Variants in ELOVL5 observed in about 807,000 individuals in gnomAD.
ELOVL5 encodes the protein ELOVL fatty acid elongase 5.
Under a neutral mutation model 38.6 loss-of-function variants are expected in ELOVL5, and 8 were observed. The ratio of observed to expected loss-of-function variants is 0.21; its 90% CI spans 0.12 to 0.37. The LOEUF (loss-of-function observed/expected upper bound fraction) is 0.37. Among genes scored for constraint, ELOVL5 ranks in the 10% least tolerant of loss-of-function variants. ELOVL5 has a pLI of 1.00. For synonymous variants in ELOVL5, 127 were observed against 133.7 expected, an observed-to-expected ratio of 0.95 and a Z score of 0.34; for missense variants, 280 against 367.8, an observed-to-expected ratio of 0.76 and a Z score of 1.95.
chr6:53,307,074 C>A (rs1767610618), intron 1 of ELOVL5, among the ~76,000 whole-genome samples: 1 of 152,238 alleles, frequency 6.6e-6, no homozygotes, highest in Non-Finnish European at 1.5e-5. Flanking sequence ...GCTTTTCAGG[C>A]TACCAGCCAT....
intron 1 of ELOVL5, among the ~76,000 whole-genome samples, chr6:53,333,194 G>T (rs1298547014): frequency 6.6e-6 from 1 of 152,182 alleles, no homozygotes; most frequent in African/African-American, 2.4e-5. Flanking sequence ...TGCTATAAAG[G>T]TGGATTACAT....
chr6:53,306,842 A>G (rs1056562369), intron 1 of ELOVL5, among the ~76,000 whole-genome samples: 1 of 152,228 alleles, frequency 6.6e-6, no homozygotes, highest in African/African-American at 2.4e-5. Flanking sequence ...GGAAAAAGAC[A>G]ACGATAATTC....
intron 1 of ELOVL5, among the ~76,000 whole-genome samples, chr6:53,335,711 G>C (rs1769033736): frequency 6.6e-6 from 1 of 152,168 alleles, no homozygotes; most frequent in Non-Finnish European, 1.5e-5. Context: ...ATAAACAGTA[G>C]CAGTACTTTT....
intron 1 of ELOVL5, among the ~76,000 whole-genome samples, chr6:53,316,222 C>T (rs1768034616): frequency 6.6e-6 from 1 of 152,086 alleles, no homozygotes; most frequent in South Asian, 2.1e-4. Context: ...TCCACAAGAC[C>T]ACAAATCTGC....
intron 1 of ELOVL5, among the ~76,000 whole-genome samples, chr6:53,347,827 A>T (rs1036388058): frequency 6.6e-6 from 1 of 151,724 alleles, no homozygotes; most frequent in African/African-American, 2.4e-5. Context: ...GGGCGGGGGG[A>T]ACCGCCAAGT....
intron 3 of ELOVL5, among the ~76,000 whole-genome samples, chr6:53,278,946 G>A (rs1375374204): frequency 2.0e-5 from 3 of 152,152 alleles, no homozygotes; most frequent in Admixed American, 6.5e-5. Context: ...GTGGTCCCAA[G>A]CTTATCTTTC....
chr6:53,341,228 A>AT (rs1769311130), intron 1 of ELOVL5, among the ~76,000 whole-genome samples: 1 of 152,360 alleles, frequency 6.6e-6, no homozygotes, highest in Admixed American at 6.5e-5. Flanking sequence ...CATAAATGTT[A>AT]TTCCCTATTA....
At chr6:53,345,241 A>T (rs763927252) in intron 1 of ELOVL5, among the ~76,000 whole-genome samples, 19 of 152,182 alleles carry the variant, frequency 1.2e-4, no homozygotes, top group South Asian at 4.1e-4. Context: ...TCTAGGACAT[A>T]ACAGACATCT....
At chr6:53,318,104 A>G (rs1768133303) in intron 1 of ELOVL5, among the ~76,000 whole-genome samples, 1 of 152,226 alleles carries the variant, frequency 6.6e-6, no homozygotes, top group African/African-American at 2.4e-5. Context: ...GAGGAGGCCA[A>G]CTGACTCCAG....
intron 1 of ELOVL5, among the ~76,000 whole-genome samples, chr6:53,323,586 T>G (rs974596690): frequency 7.0e-6 from 1 of 142,802 alleles, no homozygotes; most frequent in African/African-American, 2.7e-5. Flanking sequence ...CTTTTTTTTT[T>G]TTTTTTTTTT....
intron 3 of ELOVL5, among the ~76,000 whole-genome samples, chr6:53,287,538 T>C (rs1766618587): frequency 6.6e-6 from 1 of 152,182 alleles, no homozygotes; most frequent in South Asian, 2.1e-4. Flanking sequence ...AACAATGGGA[T>C]AGCCAAAGAG....
chr6:53,347,301 G>C (rs1769589859), intron 1 of ELOVL5, among the ~76,000 whole-genome samples: 1 of 152,198 alleles, frequency 6.6e-6, no homozygotes, highest in African/African-American at 2.4e-5. Flanking sequence ...AGGAAAATGA[G>C]TAACATTTCC....
intron 6 of ELOVL5, 108 bp downstream of exon 6, chr6:53,273,112 A>G: frequency 1.7e-6 from 2 of 1,200,248 alleles, no homozygotes; most frequent in South Asian, 2.9e-5. Flanking sequence ...ATCAAATGAA[A>G]AAGGGTGGAG....
At position 53,319,311 on chromosome 6, in the gene ELOVL5, A is replaced by AAAAAAAAAAAAAAAAAAC. The variant is rs1768200840; in HGVS notation, c.-8-23605_-8-23604insGTTTTTTTTTTTTTTTTT. ...AAAAAAAAAAAAAAAAAAAAAAAAA[A>AAAAAAAAAAAAAAAAAAC]AAAAAGAAAGAAAGAAAAAGGAAAT... On this transcript the variant is annotated intron_variant, in intron 1 of 7. Coordinates refer to ENST00000304434, the MANE Select transcript of ELOVL5 (RefSeq NM_021814.5). 2.9e-5 allele frequency among the ~76,000 whole-genome samples: 4 copies of AAAAAAAAAAAAAAAAAAC among 137,302 alleles called. 1 individual carries two copies. The highest frequency in any genetic ancestry group is 2.8e-4 in the Admixed American group (3 of 10,666). The allele number at this position is 137,302 out of a possible 152,430, so 90.1% of individuals were successfully genotyped here. A position where few individuals can be genotyped will look rare whatever the true frequency, so the allele number is the denominator to read the frequency against.
At chr6:53,275,320 C>T in intron 4 of ELOVL5, 59 bp from the exon 5 acceptor site, 3 of 1,551,684 alleles carry the variant, frequency 1.9e-6, no homozygotes, top group Non-Finnish European at 2.7e-6. Context: ...GGAATATCAC[C>T]TCTGACATGT....
intron 1 of ELOVL5, among the ~76,000 whole-genome samples, chr6:53,303,118 A>G (rs1767327238): frequency 6.6e-6 from 1 of 152,222 alleles, no homozygotes; most frequent in African/African-American, 2.4e-5. Flanking sequence ...TTAATTTGGT[A>G]GTCACAACCC....
intron 1 of ELOVL5, among the ~76,000 whole-genome samples, chr6:53,346,628 G>A (rs533845886): frequency 1.3e-5 from 2 of 152,100 alleles, no homozygotes; most frequent in African/African-American, 2.4e-5. Flanking sequence ...AATCTTTTAG[G>A]AGAGAAGAAT....
chr6:53,320,846 G>A (rs1263891498), intron 1 of ELOVL5, among the ~76,000 whole-genome samples: 2 of 151,960 alleles, frequency 1.3e-5, no homozygotes, highest in South Asian at 2.1e-4. Context: ...CTTAGAAACC[G>A]GCTTATTATC....
At chr6:53,271,515 A>G (rs954620192) in intron 6 of ELOVL5, among the ~76,000 whole-genome samples, 3 of 151,398 alleles carry the variant, frequency 2.0e-5, no homozygotes, top group African/African-American at 7.3e-5. Context: ...GCGCCACTGC[A>G]CTCCAGCCTG....
Sources: allele counts gnomAD v4.1 joint callset (sites outside exome capture counted in the v4.1 genomes callset), GRCh38; gene constraint gnomAD v4.1.1; transcripts MANE v1.5; gene names NCBI Gene and HGNC (gene_info 2026-07-23, HGNC 2026-07-21).